SHB: variants seen among roughly 807,000 people sequenced by gnomAD.
SHB encodes the protein SH2 domain-containing adapter protein B.
SHB carries 20 observed loss-of-function variants against 52.3 expected under a neutral mutation model. The observed-to-expected ratio is 0.38, with a 90% CI of 0.27 to 0.56. The LOEUF is 0.56. Ranked by LOEUF, SHB falls within the 20% of genes least tolerant of loss-of-function variation. The pLI is 0.71. For missense variants in SHB, 825 were observed against 723.3 expected (o/e 1.14, Z -1.61); for synonymous variants, 397 against 316.5 (o/e 1.25, Z -2.70).
chr9:38,027,505 A>T (rs950982421), intron 1 of SHB, among the ~76,000 whole-genome samples: 12 of 151,994 alleles, frequency 7.9e-5, no homozygotes, highest in Non-Finnish European at 1.6e-4. Flanking sequence ...ACAGACCTTG[A>T]AGCAGGCACT....
rs554758647 is a variant in SHB, at chr9:37,938,639, G to A, written c.1346+9996C>T. On this transcript the variant is annotated intron_variant, in intron 5 of 5. Transcript: ENST00000377707. Reference sequence around the variant, plus strand: ...CAGGCAGATTTATGTGGGCTGATACGAGACAATTAAAAACCGGCTGGAAAT... The same window carrying A: ...CAGGCAGATTTATGTGGGCTGATACAAGACAATTAAAAACCGGCTGGAAAT... Among the ~76,000 whole-genome samples, 122 of 152,292 alleles carry A rather than the reference G, an allele frequency of 8.0e-4. 3 individuals carry two copies. The highest frequency in any genetic ancestry group is 2.7e-3 in the African/African-American group (111 of 41,552).
At chr9:38,026,101 G>C (rs886064642) in intron 1 of SHB, among the ~76,000 whole-genome samples, 4 of 152,196 alleles carry the variant, frequency 2.6e-5, no homozygotes, top group African/African-American at 9.7e-5. Flanking sequence ...TCACGGTAAC[G>C]TAAGGCTCTG....
At chr9:37,928,116 G>C (rs1200196640) in intron 5 of SHB, among the ~76,000 whole-genome samples, 1 of 152,128 alleles carries the variant, frequency 6.6e-6, no homozygotes, top group Non-Finnish European at 1.5e-5. Context: ...CCTCCCCCTG[G>C]GCCTCAGCGT....
rs760144911 is a variant in SHB, at chr9:38,068,495, C to T, written c.151G>A (p.Ala51Thr). Residue 51 changes from alanine to threonine, a missense_variant, in exon 1 of 6, where the codon GCC (alanine) becomes ACC (threonine). Transcript: ENST00000377707. Reference sequence around the variant, plus strand: ...GTGGCCGGACCGCAGGACGCCGAGGCGGCGGAGGAGGCCTGCGGCACGGCC... The same window carrying T: ...GTGGCCGGACCGCAGGACGCCGAGGTGGCGGAGGAGGCCTGCGGCACGGCC... ...PQAVPQASSAASASCGPATAS... is the reference protein window; with the variant it reads ...PQAVPQASSATSASCGPATAS... The T allele has an allele frequency of 1.3e-6, 2 of 1,496,904 alleles. No individual in the cohort carries two copies. Among genetic ancestry groups the T allele is most frequent in the Non-Finnish European group, 1.8e-6 (2 of 1,129,544 alleles). 92.7% of individuals were successfully genotyped at this position (1,496,904 alleles called of 1,614,324 possible).
intron 5 of SHB, among the ~76,000 whole-genome samples, chr9:37,947,232 A>G (rs1468999561): frequency 6.6e-6 from 1 of 152,138 alleles, no homozygotes; most frequent in African/African-American, 2.4e-5. Flanking sequence ...TGAGTGCCCT[A>G]CCCGCTAGGC....
intron 1 of SHB, among the ~76,000 whole-genome samples, chr9:38,044,793 T>TATCTGAC (rs1821628490): frequency 6.6e-6 from 1 of 152,248 alleles, no homozygotes; most frequent in African/African-American, 2.4e-5. Context: ...TGAGATCACT[T>TATCTGAC]ATCTGACAAG....
In SHB at chr9:37,918,092, T is replaced by C. The variant is rs953732295; in HGVS notation, c.*1729A>G. ...TCTCTAAAGACATGAGCAGCGCTGA[T>C]GTCTGAACCTGCTGATGACATTCAA... On this transcript the variant is annotated 3_prime_UTR_variant, in exon 6 of 6. Transcript: ENST00000377707. Among the ~76,000 whole-genome samples the C allele has an allele frequency of 1.3e-5, 2 of 152,244 alleles. No individual in the cohort carries two copies. Among genetic ancestry groups the C allele is most frequent in the Admixed American group, 1.3e-4 (2 of 15,290 alleles).
chr9:38,024,171 A>G (rs753139341), intron 1 of SHB, among the ~76,000 whole-genome samples: 1 of 152,214 alleles, frequency 6.6e-6, no homozygotes. Context: ...CTCCGCCCAC[A>G]TGCCTTCAGG....
intron 3 of SHB, among the ~76,000 whole-genome samples, chr9:37,964,953 C>T (rs1442129353): frequency 6.6e-6 from 1 of 152,016 alleles, no homozygotes; most frequent in African/African-American, 2.4e-5. Flanking sequence ...ATACCTGGGA[C>T]CTACACACGT....
At chr9:37,946,050 C>G (rs1300954909) in intron 5 of SHB, among the ~76,000 whole-genome samples, 1 of 152,196 alleles carries the variant, frequency 6.6e-6, no homozygotes, top group Non-Finnish European at 1.5e-5. Flanking sequence ...CTAGATAACA[C>G]TGACACAGCA....
chr9:37,976,199 C>G (rs975356038), intron 2 of SHB, among the ~76,000 whole-genome samples: 1 of 152,118 alleles, frequency 6.6e-6, no homozygotes, highest in Non-Finnish European at 1.5e-5. Context: ...CCACACCTGG[C>G]TAATTTTTGT....
At chr9:38,003,897 T>C (rs969413011) in intron 2 of SHB, among the ~76,000 whole-genome samples, 10 of 152,088 alleles carry the variant, frequency 6.6e-5, no homozygotes, top group Non-Finnish European at 1.5e-4. Context: ...TGGTTCCCAA[T>C]TGTGTGGGGT....
At chr9:37,961,613 G>T (rs910721939) in intron 3 of SHB, among the ~76,000 whole-genome samples, 1 of 152,194 alleles carries the variant, frequency 6.6e-6, no homozygotes, top group Non-Finnish European at 1.5e-5. Context: ...CCAGTCCCCA[G>T]ATCTATCATC....
At chr9:38,025,124 C>CA (rs1190792698) in intron 1 of SHB, among the ~76,000 whole-genome samples, 1 of 152,200 alleles carries the variant, frequency 6.6e-6, no homozygotes, top group Non-Finnish European at 1.5e-5. Flanking sequence ...TTAAAAATGT[C>CA]AGAGTATAAT....
Position 38,064,092 on chromosome 9 carries a change from A to AT in SHB, c.717+3836dup, listed in dbSNP as rs898565541. ...AAAGTAACTGGCCTCTTTTGTCATCATTTTTTTTTTTTTTCATAAAGCACA... is the reference window on the plus strand; with the variant it reads ...AAAGTAACTGGCCTCTTTTGTCATCATTTTTTTTTTTTTTTCATAAAGCACA... On this transcript the variant is annotated intron_variant, in intron 1 of 5. Transcript: ENST00000377707. Among the ~76,000 whole-genome samples the AT allele has an allele frequency of 6.1e-3, 876 of 142,758 alleles. 8 individuals are homozygous for AT. Among genetic ancestry groups the AT allele is most frequent in the African/African-American group, 0.016 (624 of 39,132 alleles). The allele number at this position is 142,758 out of a possible 152,430, so 93.7% of individuals were successfully genotyped here. A position where few individuals can be genotyped will look rare whatever the true frequency, so the allele number is the denominator to read the frequency against.
At chr9:37,939,390 T>TG (rs1452978906) in intron 5 of SHB, among the ~76,000 whole-genome samples, 1 of 152,244 alleles carries the variant, frequency 6.6e-6, no homozygotes, top group Non-Finnish European at 1.5e-5. Context: ...TTTGAGCCTC[T>TG]GTTTCCTCTT....
intron 5 of SHB, among the ~76,000 whole-genome samples, chr9:37,940,932 T>A (rs1320849330): frequency 6.6e-6 from 1 of 152,126 alleles, no homozygotes; most frequent in Admixed American, 6.5e-5. Context: ...GTGGTCATCA[T>A]CTCCAGCTCC....
chr9:37,968,448 GA>G (rs1260611621), intron 3 of SHB, among the ~76,000 whole-genome samples: 1 of 152,218 alleles, frequency 6.6e-6, no homozygotes, highest in Non-Finnish European at 1.5e-5. Context: ...CTAGGGCAGA[GA>G]AATCTGCCAA....
intron 5 of SHB, among the ~76,000 whole-genome samples, chr9:37,938,552 G>A (rs949285050): frequency 2.0e-5 from 3 of 152,236 alleles, no homozygotes; most frequent in African/African-American, 7.2e-5. Flanking sequence ...CTGTCCCGGG[G>A]CACGAGAGGT....
Sources: allele counts gnomAD v4.1 joint callset (sites outside exome capture counted in the v4.1 genomes callset), GRCh38; gene constraint gnomAD v4.1.1; transcripts MANE v1.5; gene names NCBI Gene and HGNC (gene_info 2026-07-23, HGNC 2026-07-21).